DYNC2I1: variants seen among roughly 807,000 people sequenced by gnomAD.
DYNC2I1 encodes dynein 2 intermediate chain 1, also known as cytoplasmic dynein 2 intermediate chain 1.
In DYNC2I1, 89 loss-of-function variants were observed where a neutral mutation model predicts 133.4. The observed-to-expected ratio is 0.67, with a 90% CI of 0.56 to 0.80. DYNC2I1 has a LOEUF of 0.80. Ranked by LOEUF, DYNC2I1 falls within the 30% of genes least tolerant of loss-of-function variation. The pLI is 0.00. For synonymous variants in DYNC2I1, 504 were observed against 484.3 expected, an observed-to-expected ratio of 1.04 and a Z score of -0.54; for missense variants, 1,291 against 1,314.5, an observed-to-expected ratio of 0.98 and a Z score of 0.28.
In DYNC2I1 at chr7:158,939,445, CAATA is replaced by C. The variant is rs145754881; in HGVS notation, c.2779-2474_2779-2471del. Among the ~76,000 whole-genome samples the C allele has an allele frequency of 2.0e-3, 305 of 152,150 alleles. 1 individual carries two copies. Among genetic ancestry groups the C allele is most frequent in the Middle Eastern group, 6.8e-3 (2 of 294 alleles). On this transcript the variant is annotated intron_variant, in intron 23 of 24. Coordinates refer to ENST00000407559, the MANE Select transcript of DYNC2I1 (RefSeq NM_018051.5). ...TAGGTCACAGAATGAGATCCCGTCT[CAATA>C]AATAAGTAAATAATCACAATACAAA...
intron 4 of DYNC2I1, among the ~76,000 whole-genome samples, chr7:158,878,518 G>A (rs10949744): frequency 0.11 from 10,960 of 99,140 alleles, 1,997 homozygotes; most frequent in East Asian, 0.5. Flanking sequence ...TGTGAGTGCC[G>A]GGCGCCATGT....
chr7:158,908,066 A>C (rs1165799975), intron 11 of DYNC2I1, among the ~76,000 whole-genome samples: 1 of 151,736 alleles, frequency 6.6e-6, no homozygotes, highest in Non-Finnish European at 1.5e-5. Context: ...CCGAAACATA[A>C]AGGGATTGAT....
chr7:158,865,944 G>A (rs1183610944), intron 1 of DYNC2I1, among the ~76,000 whole-genome samples: 1 of 152,130 alleles, frequency 6.6e-6, no homozygotes, highest in Non-Finnish European at 1.5e-5. Flanking sequence ...CATATTAGCT[G>A]AGTTTTAAGC....
At chr7:158,930,375 AATG>A in intron 20 of DYNC2I1, 77 bp from the exon 21 acceptor site, 1 of 1,227,040 alleles carries the variant, frequency 8.1e-7, no homozygotes, top group Non-Finnish European at 1.2e-6. Context: ...AGCAATGAAA[AATG>A]ATTCCAGGCA....
rs367950915 is a variant in DYNC2I1, at chr7:158,926,478, A to G, written c.2433+15A>G. On this transcript the variant is annotated intron_variant, in intron 19 of 24. Coordinates refer to ENST00000407559, the MANE Select transcript of DYNC2I1 (RefSeq NM_018051.5). ...TCAATGTATGGGTGAGTAGTGGCCCAGGCCGGGCACATGCGGGGCCTGAGT... is the reference window on the plus strand; with the variant it reads ...TCAATGTATGGGTGAGTAGTGGCCCGGGCCGGGCACATGCGGGGCCTGAGT... The G allele has an allele frequency of 8.0e-4, 1,290 of 1,611,232 alleles. No homozygotes were observed. The highest frequency in any genetic ancestry group is 1.0e-3 in the Non-Finnish European group (1,190 of 1,178,826).
intron 4 of DYNC2I1, among the ~76,000 whole-genome samples, chr7:158,954,615 T>C (rs1474119535): frequency 6.6e-6 from 1 of 152,240 alleles, no homozygotes; most frequent in Non-Finnish European, 1.5e-5. Context: ...GCCAGTGCTC[T>C]CCAGCCTGGA....
chr7:158,846,443 A>G, the DYNC2I1 span, among the ~76,000 whole-genome samples: 11 of 152,138 alleles, frequency 7.2e-5, no homozygotes, highest in Non-Finnish European at 8.8e-5. Context: ...AGAAAGAGGG[A>G]TATTTAAGAC....
At chr7:158,868,914 G>C (rs1842642835) in intron 1 of DYNC2I1, among the ~76,000 whole-genome samples, 1 of 152,230 alleles carries the variant, frequency 6.6e-6, no homozygotes, top group South Asian at 2.1e-4. Flanking sequence ...CATCTGGTAT[G>C]CACCAGATGC....
downstream of DYNC2I1, among the ~76,000 whole-genome samples, chr7:158,950,525 C>T (rs5018041): frequency 9.8e-3 from 6 of 610 alleles, 1 homozygote; most frequent in African/African-American, 0.013. Context: ...AGCCTCTATA[C>T]GATTCCAGGT....
At chr7:158,857,624 G>A (rs1311453497) in intron 1 of DYNC2I1, among the ~76,000 whole-genome samples, 4 of 140,212 alleles carry the variant, frequency 2.9e-5, no homozygotes, top group African/African-American at 1.1e-4. Flanking sequence ...TGCAACCTCC[G>A]ACTCCAGGGT....
chr7:158,871,965 CTG>C (rs1351147992), intron 3 of DYNC2I1, among the ~76,000 whole-genome samples: 4 of 152,172 alleles, frequency 2.6e-5, no homozygotes, highest in African/African-American at 9.7e-5. Context: ...CCTGTTCTCT[CTG>C]TTGCGGGGTG....
chr7:158,871,538 C>G lies in DYNC2I1; in HGVS notation c.466C>G (p.Arg156Gly). Reference protein sequence around the residue: ...QETRDRQLLERAERKGRSVSK... With the variant: ...QETRDRQLLEGAERKGRSVSK... ...GACACGCGACCGGCAGCTCCTGGAG[C>G]GGGCGGAGAGGAAAGGCCGCTCAGG... The change falls in exon 3 of 25, where the codon CGG becomes GGG. Residue 156 changes from arginine to glycine, a missense_variant. Coordinates refer to ENST00000407559, the MANE Select transcript of DYNC2I1 (RefSeq NM_018051.5). The G allele has an allele frequency of 6.5e-7, 1 of 1,541,436 alleles. No homozygotes were observed. The highest frequency in any genetic ancestry group is 8.7e-7 in the Non-Finnish European group (1 of 1,146,282).
intron 23 of DYNC2I1, among the ~76,000 whole-genome samples, chr7:158,935,302 C>CA (rs1157630920): frequency 1.3e-5 from 2 of 152,244 alleles, no homozygotes; most frequent in Non-Finnish European, 2.9e-5. Flanking sequence ...TCACCCTAGT[C>CA]ACAGTTGTCC....
chr7:158,894,153 A>G (rs536598153), intron 8 of DYNC2I1, among the ~76,000 whole-genome samples: 2 of 152,296 alleles, frequency 1.3e-5, no homozygotes, highest in East Asian at 3.9e-4. Flanking sequence ...CCTACCACAT[A>G]TCGTACATCA....
chr7:158,932,514 G>T (rs1010032452), intron 21 of DYNC2I1, among the ~76,000 whole-genome samples: 5 of 151,912 alleles, frequency 3.3e-5, no homozygotes, highest in African/African-American at 1.2e-4. Context: ...CTGTCAGTGG[G>T]TCTGATGGTG....
At position 158,942,013 on chromosome 7, in the gene DYNC2I1, C is replaced by CGGTCACCGGCCTGCAGT. The variant is rs772630819; in HGVS notation, c.2872_2888dup (p.Thr965AlafsTer77). 6.2e-7 allele frequency: 1 copy of CGGTCACCGGCCTGCAGT among 1,613,396 alleles called. No homozygotes were observed. Among genetic ancestry groups the CGGTCACCGGCCTGCAGT allele is most frequent in the Admixed American group, 1.7e-5 (1 of 59,982 alleles). On this transcript the variant is annotated frameshift_variant, in exon 24 of 25. Transcript: ENST00000407559. LOFTEE classifies it high-confidence loss of function. ...TGGGACAGCAGCACGGACAGCCATG[C>CGGTCACCGGCCTGCAGT]GGTCACCGGCCTGCAGTGGTCCCCA...
intron 21 of DYNC2I1, among the ~76,000 whole-genome samples, chr7:158,931,745 ACT>A (rs1850239746): frequency 6.6e-6 from 1 of 152,120 alleles, no homozygotes. Context: ...GTTCCCTCAG[ACT>A]CTGCTCAACC....
intron 1 of DYNC2I1, among the ~76,000 whole-genome samples, chr7:158,868,434 C>T (rs915356299): frequency 1.3e-5 from 2 of 152,352 alleles, no homozygotes; most frequent in Admixed American, 1.3e-4. Context: ...TGTCATCACA[C>T]TTGAAAGGTG....
the DYNC2I1 span, among the ~76,000 whole-genome samples, chr7:158,846,493 A>G: frequency 6.6e-6 from 1 of 152,202 alleles, no homozygotes; most frequent in African/African-American, 2.4e-5. Flanking sequence ...TGTCTATGTA[A>G]GTAGTAATAC....
Sources: gnomAD v4.1 joint callset for allele counts (sites outside exome capture counted in the v4.1 genomes callset) on GRCh38, gnomAD v4.1.1 for gene constraint, MANE v1.5 for transcripts, NCBI Gene and HGNC (gene_info 2026-07-23, HGNC 2026-07-21) for gene names.